Variants in ZMIZ2 observed in about 807,000 individuals in gnomAD.
ZMIZ2 encodes the protein zinc finger MIZ-type containing 2.
In ZMIZ2, 26 loss-of-function variants were observed where a neutral mutation model predicts 93.9. The observed-to-expected ratio is 0.28, with a 90% CI of 0.20 to 0.38. The LOEUF is 0.38. Among genes scored for constraint, ZMIZ2 ranks in the 10% least tolerant of loss-of-function variants. The probability of loss-of-function intolerance (pLI) is 1.00; values close to 1 mark genes in which losing one functional copy is unlikely to be tolerated. For synonymous variants in ZMIZ2, 485 were observed against 516.4 expected (o/e 0.94, Z 0.82); for missense variants, 1,023 against 1,235.0 (o/e 0.83, Z 2.57).
rs1791196816 is a variant in ZMIZ2, at chr7:44,761,671, G to A, written c.1386-24G>A. The A allele has an allele frequency of 6.2e-7, 1 of 1,613,696 alleles. No individual in the cohort carries two copies. Among genetic ancestry groups the A allele is most frequent in the Admixed American group, 1.7e-5 (1 of 60,006 alleles). On this transcript the variant is annotated intron_variant, in intron 10 of 18. Transcript: ENST00000309315. The surrounding 1 kb of genome is among the most constrained non-coding windows in gnomAD (Gnocchi z 5.8). ...CACACTCTCAGGGCCCGTTTTCTGG[G>A]TGTCCACCCATCTTCCTGAGCAGGC...
rs1791653808 is a variant in ZMIZ2 at position 44,765,806 on chromosome 7, C to A, written c.2242+227C>A. 9 of 996,006 alleles carry A rather than the reference C, an allele frequency of 9.0e-6. No individual in the cohort carries two copies. The highest frequency in any genetic ancestry group is 1.3e-5 in the Non-Finnish European group (9 of 702,486). The allele number at this position is 996,006 out of a possible 1,614,324, so 61.7% of individuals were successfully genotyped here. A position where few individuals can be genotyped will look rare whatever the true frequency, so the allele number is the denominator to read the frequency against. ...TGGTCCCAGGAAACAGACAGTGGGG[C>A]CTCCACCCTTCCTTCCCCGTTTGGA... is the stretch of plus-strand genomic sequence containing the variant. On this transcript the variant is annotated intron_variant, in intron 16 of 18. Transcript: ENST00000309315. The surrounding 1 kb of genome is among the most constrained non-coding windows in gnomAD (Gnocchi z 4.1).
Position 44,763,822 on chromosome 7 carries a change from G to A in ZMIZ2, c.1860+409G>A, listed in dbSNP as rs1052455150. 19 of 193,320 alleles carry A rather than the reference G, an allele frequency of 9.8e-5. No homozygotes were observed. Among genetic ancestry groups the A allele is most frequent in the Non-Finnish European group, 1.4e-4 (13 of 93,688 alleles). The allele number at this position is 193,320 out of a possible 1,614,324, so 12.0% of individuals were successfully genotyped here. ...TGGTCCCTATTGCACAAACTGCTCTGTGCTGTCGTTTTTCTTCTTTTAACA... is the reference window on the plus strand; with the variant it reads ...TGGTCCCTATTGCACAAACTGCTCTATGCTGTCGTTTTTCTTCTTTTAACA... On this transcript the variant is annotated intron_variant, in intron 13 of 18. Transcript: ENST00000309315. This position sits in a 1 kb window ranked among gnomAD's most constrained non-coding sequence, Gnocchi z 5.6.
intron 6 of ZMIZ2, among the ~76,000 whole-genome samples, 196 bp from the exon 7 acceptor site, chr7:44,759,084 TA>T (rs71563954): frequency 0.011 from 1,035 of 97,468 alleles, 11 homozygotes; most frequent in African/African-American, 0.038. Context: ...TGTCTCAAAT[TA>T]AAAAAAAAAA....
In ZMIZ2 at chr7:44,760,147, G is replaced by A. The variant is rs1275642261; in HGVS notation, c.994-4G>A. ...CCAGGTGCATGCAGTTTTCTCTCCCGCAGCCCACAGAGCAGTTCAACGGGC... is the reference window on the plus strand; with the variant it reads ...CCAGGTGCATGCAGTTTTCTCTCCCACAGCCCACAGAGCAGTTCAACGGGC... On this transcript the variant is annotated splice_polypyrimidine_tract_variant and splice_region_variant and intron_variant, in intron 7 of 18. Transcript: ENST00000309315. 1.7e-5 allele frequency: 28 copies of A among 1,613,768 alleles called. No individual in the cohort carries two copies. Among genetic ancestry groups the A allele is most frequent in the East Asian group, 4.5e-5 (2 of 44,892 alleles).
rs1219317762 is a variant in ZMIZ2 at position 44,763,197 on chromosome 7, A to G, written c.1703-59A>G. The G allele has an allele frequency of 1.3e-6, 2 of 1,589,720 alleles. No homozygotes were observed. Among genetic ancestry groups the G allele is most frequent in the African/African-American group, 1.3e-5 (1 of 74,454 alleles). Reference sequence around the variant, plus strand: ...GGGTCCCTGCCTCGTTGGCATCCCCATTCACACCTCCCCATCTTGGGGACC... The same window carrying G: ...GGGTCCCTGCCTCGTTGGCATCCCCGTTCACACCTCCCCATCTTGGGGACC... On this transcript the variant is annotated intron_variant, in intron 12 of 18. Coordinates refer to ENST00000309315, the MANE Select transcript of ZMIZ2 (RefSeq NM_031449.4). The surrounding 1 kb of genome is among the most constrained non-coding windows in gnomAD (Gnocchi z 5.6).
In ZMIZ2 at chr7:44,761,465, C is replaced by A; in HGVS notation, c.1257C>A (p.Asp419Glu). 1 of 1,613,578 alleles carries A rather than the reference C, an allele frequency of 6.2e-7. No individual in the cohort carries two copies. The highest frequency in any genetic ancestry group is 8.5e-7 in the Non-Finnish European group (1 of 1,180,014). ...HSSPSGSGPC[D>E]ELRLTFPVRD... ...TGCTCCCAGGAAGCGGGCCTTGTGA[C>A]GAGTTGCGGCTGACCTTCCCTGTGC... The change falls in exon 10 of 19, where the codon GAC (aspartate) becomes GAA (glutamate). Residue 419 changes from aspartate to glutamate, a missense_variant. Around this residue, in one of 3 missense-constraint regions of ZMIZ2, gnomAD observed 656 missense variants for 777.1 expected, o/e 0.84. Transcript: ENST00000309315. This position sits in a 1 kb window ranked among gnomAD's most constrained non-coding sequence, Gnocchi z 5.8.
rs569228929 is a variant in ZMIZ2, at chr7:44,759,142, C to A, written c.814-139C>A. 3.6e-4 allele frequency: 209 copies of A among 586,266 alleles called. 1 individual carries two copies. In the African/African-American group the frequency reaches 3.9e-3, roughly 11 times the overall value. The allele number at this position is 586,266 out of a possible 1,614,324, so 36.3% of individuals were successfully genotyped here. ...GCATGTGAGAACTGCCTGTGCCTGA[C>A]AGTGTCACAGCAGGATCTTCAAGGG... On this transcript the variant is annotated intron_variant, in intron 6 of 18. Transcript: ENST00000309315.
chr7:44,756,310 G>T lies in ZMIZ2; in HGVS notation c.50+11G>T. 1 of 1,613,976 alleles carries T rather than the reference G, an allele frequency of 6.2e-7. No individual in the cohort carries two copies. Among genetic ancestry groups the T allele is most frequent in the Non-Finnish European group, 8.5e-7 (1 of 1,180,004 alleles). On this transcript the variant is annotated intron_variant, in intron 2 of 18. Coordinates refer to ENST00000309315, the MANE Select transcript of ZMIZ2 (RefSeq NM_031449.4). ...CCCTGCGCCACACGGGTGAGTGTGGGCTCCTCTGCCCACCCCTCAGGCCCT... is the reference window on the plus strand; with the variant it reads ...CCCTGCGCCACACGGGTGAGTGTGGTCTCCTCTGCCCACCCCTCAGGCCCT...
Position 44,757,794 on chromosome 7 carries a change from T to G in ZMIZ2, c.553-54T>G, listed in dbSNP as rs1562729599. The G allele has an allele frequency of 4.0e-6, 6 of 1,511,208 alleles. No individual in the cohort carries two copies. The African/African-American group carries it at 4.2e-5, about 11-fold the overall frequency. The allele number at this position is 1,511,208 out of a possible 1,614,324, so 93.6% of individuals were successfully genotyped here. On this transcript the variant is annotated intron_variant, in intron 5 of 18. Transcript: ENST00000309315. ...GGGTGGGCGGGTTTTATGCCTATCT[T>G]TTGGAGCCCTTTGTGGGTGGGACCT...
chr7:44,757,232 G>C, intron 4 of ZMIZ2, 83 bp downstream of exon 4: 2 of 1,511,594 alleles, frequency 1.3e-6, no homozygotes, highest in Middle Eastern at 2.3e-4. Context: ...TGATCAGCTG[G>C]ACGTTCCCTC....
chr7:44,752,195 T>C (rs1350008406), intron 1 of ZMIZ2, among the ~76,000 whole-genome samples: 1 of 150,886 alleles, frequency 6.6e-6, no homozygotes. Flanking sequence ...AATGGTGCGA[T>C]CGGCTCACTG....
chr7:44,756,906 T>C, intron 3 of ZMIZ2, 41 bp from the exon 4 acceptor site: 3 of 1,608,802 alleles, frequency 1.9e-6, no homozygotes, highest in Non-Finnish European at 2.5e-6. Flanking sequence ...TGAAGCACGT[T>C]GTTTGGCTGG....
At chr7:44,751,508 C>T (rs1583603540) in intron 1 of ZMIZ2, among the ~76,000 whole-genome samples, 1 of 152,228 alleles carries the variant, frequency 6.6e-6, no homozygotes, top group Non-Finnish European at 1.5e-5. Flanking sequence ...GGGGAGGGGG[C>T]ACATCTGCTT....
rs747622291 is a variant in ZMIZ2 at position 44,766,640 on chromosome 7, G to C, written c.2632G>C (p.Glu878Gln). Residue 878 changes from glutamate to glutamine, a missense_variant, in exon 18 of 19, where the codon GAG (glutamate) becomes CAG (glutamine). Transcript: ENST00000309315. This position sits in a 1 kb window ranked among gnomAD's most constrained non-coding sequence, Gnocchi z 4.4. ...GCCCCCCAGCATGTCTGGAGCCGGG[G>C]AGGCCCCAGAACCAGCTCTGGACGT... ...MGPPSMSGAG[E>Q]APEPALDLLP... 5.0e-6 allele frequency: 8 copies of C among 1,613,026 alleles called. No individual in the cohort carries two copies. In the South Asian group the frequency reaches 8.8e-5, roughly 18 times the overall value.
Position 44,761,434 on chromosome 7 carries a change from G to T in ZMIZ2, c.1241-15G>T. 1 of 1,611,050 alleles carries T rather than the reference G, an allele frequency of 6.2e-7. No homozygotes were observed. ...TGGGGCAACCCAGCTCACAGCCAGT[G>T]GCCTCTGCTCCCAGGAAGCGGGCCT... On this transcript the variant is annotated splice_polypyrimidine_tract_variant and intron_variant, in intron 9 of 18. Transcript: ENST00000309315. The surrounding 1 kb of genome is among the most constrained non-coding windows in gnomAD (Gnocchi z 5.8).
Position 44,766,153 on chromosome 7 carries a change from T to C in ZMIZ2, c.2243-11T>C. 1 of 1,608,338 alleles carries C rather than the reference T, an allele frequency of 6.2e-7. No individual in the cohort carries two copies. Among genetic ancestry groups the C allele is most frequent in the Non-Finnish European group, 8.5e-7 (1 of 1,178,036 alleles). On this transcript the variant is annotated splice_polypyrimidine_tract_variant and intron_variant, in intron 16 of 18. Coordinates refer to ENST00000309315, the MANE Select transcript of ZMIZ2 (RefSeq NM_031449.4). The surrounding 1 kb of genome is among the most constrained non-coding windows in gnomAD (Gnocchi z 4.4). ...CCAGCCCTCACCCAGGCCCCGACTC[T>C]CCTCTCACAGGTTCCAGCTTCCTGG...
chr7:44,758,082 CAG>C lies in ZMIZ2; in HGVS notation c.788_789del (p.Gln263ArgfsTer8), dbSNP rs756460784. 12 of 1,583,050 alleles carry C rather than the reference CAG, an allele frequency of 7.6e-6. No homozygotes were observed. The highest frequency in any genetic ancestry group is 1.4e-5 in the African/African-American group (1 of 73,654). On this transcript the variant is annotated frameshift_variant, in exon 6 of 19. Transcript: ENST00000309315. LOFTEE classifies it high-confidence loss of function. ...GPPQAQPLPR[Q>X]GVKRTYSEVY... Reference sequence around the variant, plus strand: ...TCCCCAGGCCCAGCCACTGCCCCGACAGGGGGTCAAGAGAACCTACTCTGAGG... The same window carrying C: ...TCCCCAGGCCCAGCCACTGCCCCGACGGGGTCAAGAGAACCTACTCTGAGG...
In ZMIZ2 at chr7:44,765,444, T is replaced by A. The variant is rs775150436; in HGVS notation, c.2107T>A (p.Cys703Ser). The A allele has an allele frequency of 6.2e-7, 1 of 1,608,228 alleles. No homozygotes were observed. Among genetic ancestry groups the A allele is most frequent in the South Asian group, 1.1e-5 (1 of 91,078 alleles). ...EEPDGPALKR[C>S]RTVSPAHVLM... Reference sequence around the variant, plus strand: ...GCCGGATGGGCCAGCACTGAAGCGCTGCCGCACCGTGAGCCCCGCCCACGT... The same window carrying A: ...GCCGGATGGGCCAGCACTGAAGCGCAGCCGCACCGTGAGCCCCGCCCACGT... Residue 703 changes from cysteine to serine, a missense_variant, in exon 16 of 19, where the codon TGC (cysteine) becomes AGC (serine). Around this residue, in one of 3 missense-constraint regions of ZMIZ2, gnomAD observed 319 missense variants for 358.8 expected, o/e 0.89. Transcript: ENST00000309315. The surrounding 1 kb of genome is among the most constrained non-coding windows in gnomAD (Gnocchi z 4.1).
chr7:44,767,031 AACTG>A (rs770580507), intron 18 of ZMIZ2, among the ~76,000 whole-genome samples: 12 of 152,174 alleles, frequency 7.9e-5, no homozygotes, highest in Non-Finnish European at 1.8e-4. Context: ...TGAAGGACAG[AACTG>A]ACTGTCCCTG....
Sources: gnomAD v4.1 joint callset for allele counts (sites outside exome capture counted in the v4.1 genomes callset) on GRCh38, gnomAD v4.1.1 for gene constraint, gnomAD v4.1.1 regional missense constraint, Gnocchi (gnomAD v3.1) non-coding constraint, MANE v1.5 for transcripts, NCBI Gene and HGNC (gene_info 2026-07-23, HGNC 2026-07-21) for gene names.